LENEP: variants seen among roughly 807,000 people sequenced by gnomAD.
The protein encoded by LENEP is lens epithelial protein, also known as lens epithelial cell protein LEP503.
Under a neutral mutation model 4.1 loss-of-function variants are expected in LENEP, and 2 were observed. The observed-to-expected ratio is 0.49, with a 90% CI of 0.20 to 1.53. The LOEUF (loss-of-function observed/expected upper bound fraction) is 1.53. LENEP is among the 40% of genes most tolerant of loss of function. The pLI is 0.23. For synonymous variants in LENEP, 30 were observed against 33.3 expected, an observed-to-expected ratio of 0.90 and a Z score of 0.34; for missense variants, 63 against 77.0, an observed-to-expected ratio of 0.82 and a Z score of 0.68.
Position 154,994,127 on chromosome 1 carries a change from C to A in LENEP, c.*334C>A. 3.2e-6 allele frequency: 1 copy of A among 312,014 alleles called. No homozygotes were observed. Among genetic ancestry groups the A allele is most frequent in the Non-Finnish European group, 6.0e-6 (1 of 167,636 alleles). 19.3% of individuals were successfully genotyped at this position (312,014 alleles called of 1,614,324 possible). ...CTGGTGGGCAGGAGCTTGGACTGCTCTGGCTAGGACCCCAGTAAGATTGTG... is the reference window on the plus strand; with the variant it reads ...CTGGTGGGCAGGAGCTTGGACTGCTATGGCTAGGACCCCAGTAAGATTGTG... On this transcript the variant is annotated 3_prime_UTR_variant, in exon 1 of 1. Coordinates refer to ENST00000392487, the MANE Select transcript of LENEP (RefSeq NM_001394530.1).
chr1:154,993,630 T>C lies in LENEP; in HGVS notation c.23T>C (p.Leu8Pro), dbSNP rs780856373. 3 of 1,612,764 alleles carry C rather than the reference T, an allele frequency of 1.9e-6. No homozygotes were observed. Among genetic ancestry groups the C allele is most frequent in the Non-Finnish European group, 2.5e-6 (3 of 1,179,562 alleles). The change falls in exon 1 of 1, where the codon CTA becomes CCA. Residue 8 changes from leucine to proline, a missense_variant. Coordinates refer to ENST00000392487, the MANE Select transcript of LENEP (RefSeq NM_001394530.1). MQPRTQP[L>P]AQTLPFFLGG... ...CACATGCAGCCCCGGACACAGCCCC[T>C]AGCCCAAACCCTACCCTTCTTCCTC...
chr1:154,993,823 C>G lies in LENEP; in HGVS notation c.*30C>G, dbSNP rs1429312686. 1.2e-6 allele frequency: 2 copies of G among 1,601,290 alleles called. No homozygotes were observed. Among genetic ancestry groups the G allele is most frequent in the African/African-American group, 2.7e-5 (2 of 73,930 alleles). On this transcript the variant is annotated 3_prime_UTR_variant, in exon 1 of 1. Transcript: ENST00000392487. ...AGCAGGGAACTGCCTCCTCTCCCCA[C>G]CAGCACCATGGCTGGCATCGCTCAG...
At position 154,993,945 on chromosome 1, in the gene LENEP, C is replaced by A; in HGVS notation, c.*152C>A. 1 of 710,798 alleles carries A rather than the reference C, an allele frequency of 1.4e-6. No homozygotes were observed. The highest frequency in any genetic ancestry group is 2.3e-6 in the Non-Finnish European group (1 of 437,290). 44.0% of individuals were successfully genotyped at this position (710,798 alleles called of 1,614,324 possible). A position where few individuals can be genotyped will look rare whatever the true frequency, so the allele number is the denominator to read the frequency against. ...TCTTCTTTAGCCCCCAGCCCAATTG[C>A]CATCAAGACTCCTGAAGCCAGCTGT... On this transcript the variant is annotated 3_prime_UTR_variant, in exon 1 of 1. Coordinates refer to ENST00000392487, the MANE Select transcript of LENEP (RefSeq NM_001394530.1).
rs534932099 is a variant in LENEP, at chr1:154,993,927, T to C, written c.*134T>C. 8.5e-5 allele frequency: 73 copies of C among 860,784 alleles called. No individual in the cohort carries two copies. The African/African-American group carries it at 1.0e-3, about 12-fold the overall frequency. 53.3% of individuals were successfully genotyped at this position (860,784 alleles called of 1,614,324 possible). ...TGCCTTAGCTTCTCATTCTCTTCTT[T>C]AGCCCCCAGCCCAATTGCCATCAAG... On this transcript the variant is annotated 3_prime_UTR_variant, in exon 1 of 1. Transcript: ENST00000392487.
At position 154,993,911 on chromosome 1, in the gene LENEP, T is replaced by C. The variant is rs1406217546; in HGVS notation, c.*118T>C. 6.0e-6 allele frequency: 6 copies of C among 994,940 alleles called. No individual in the cohort carries two copies. Among genetic ancestry groups the C allele is most frequent in the Admixed American group, 5.5e-5 (2 of 36,484 alleles). The allele number at this position is 994,940 out of a possible 1,614,324, so 61.6% of individuals were successfully genotyped here. The stretch of plus-strand genomic sequence containing the variant: ...CTTCTGTGGCAGAGCTTGCCTTAGC[T>C]TCTCATTCTCTTCTTTAGCCCCCAG... On this transcript the variant is annotated 3_prime_UTR_variant, in exon 1 of 1. Transcript: ENST00000392487.
In LENEP at chr1:154,993,751, C is replaced by T; in HGVS notation, c.144C>T (p.Tyr48=). 6.2e-7 allele frequency: 1 copy of T among 1,613,736 alleles called. No individual in the cohort carries two copies. Among genetic ancestry groups the T allele is most frequent in the Non-Finnish European group, 8.5e-7 (1 of 1,179,816 alleles). The part of the protein sequence containing the change: ...GFQRTLKEVA[Y]ILLCCWCIKE... ...AGCGGACCCTGAAGGAAGTCGCCTA[C>T]ATCCTCCTCTGCTGCTGGTGTATCA... Residue 48 remains tyrosine, a synonymous_variant, in exon 1 of 1, where the codon TAC becomes TAT. Transcript: ENST00000392487.
chr1:154,993,789 A>T lies in LENEP; in HGVS notation c.182A>T (p.Asp61Val). Reference protein sequence around the residue: ...LCCWCIKELLD With the variant: ...LCCWCIKELLV ...TGCTGGTGTATCAAGGAACTGCTGG[A>T]TTAATGGTAGCAGGGAACTGCCTCC... The change falls in exon 1 of 1, where the codon GAT (aspartate) becomes GTT (valine). Residue 61 changes from aspartate (D) to valine (V), a missense_variant. Asp to Val is a radical substitution (Grantham distance 152, BLOSUM62 -3). Transcript: ENST00000392487. The T allele has an allele frequency of 6.2e-7, 1 of 1,611,552 alleles. No individual in the cohort carries two copies. Among genetic ancestry groups the T allele is most frequent in the Non-Finnish European group, 8.5e-7 (1 of 1,178,750 alleles).
chr1:154,993,766 C>T lies in LENEP; in HGVS notation c.159C>T (p.Cys53=). 6.2e-7 allele frequency: 1 copy of T among 1,613,420 alleles called. No individual in the cohort carries two copies. Residue 53 remains cysteine (C), a synonymous_variant, in exon 1 of 1, where the codon TGC becomes TGT. Coordinates refer to ENST00000392487, the MANE Select transcript of LENEP (RefSeq NM_001394530.1). ...LKEVAYILLC[C]WCIKELLD Reference sequence around the variant, plus strand: ...AAGTCGCCTACATCCTCCTCTGCTGCTGGTGTATCAAGGAACTGCTGGATT... The same window carrying T: ...AAGTCGCCTACATCCTCCTCTGCTGTTGGTGTATCAAGGAACTGCTGGATT...
chr1:154,993,964 C>T lies in LENEP; in HGVS notation c.*171C>T. 1.6e-6 allele frequency: 1 copy of T among 630,416 alleles called. No homozygotes were observed. The highest frequency in any genetic ancestry group is 2.7e-6 in the Non-Finnish European group (1 of 370,900). 39.1% of individuals were successfully genotyped at this position (630,416 alleles called of 1,614,324 possible). On this transcript the variant is annotated 3_prime_UTR_variant, in exon 1 of 1. Transcript: ENST00000392487. Reference sequence around the variant, plus strand: ...CAATTGCCATCAAGACTCCTGAAGCCAGCTGTGCTTGACCAAGGATGGGCC... The same window carrying T: ...CAATTGCCATCAAGACTCCTGAAGCTAGCTGTGCTTGACCAAGGATGGGCC...
chr1:154,993,857 GGTAGA>G lies in LENEP; in HGVS notation c.*68_*72del, dbSNP rs983389470. On this transcript the variant is annotated 3_prime_UTR_variant, in exon 1 of 1. Transcript: ENST00000392487. The stretch of plus-strand genomic sequence containing the variant: ...TGGCTGGCATCGCTCAGGTGGGCAG[GGTAGA>G]GTAAACAGGAGGCATAGCTGCAGCT... 4.4e-5 allele frequency: 67 copies of G among 1,514,562 alleles called. No individual in the cohort carries two copies. The highest frequency in any genetic ancestry group is 1.8e-4 in the Middle Eastern group (1 of 5,432). 93.8% of individuals were successfully genotyped at this position (1,514,562 alleles called of 1,614,324 possible).
Position 154,993,600 on chromosome 1 carries a change from T to C in LENEP, c.-8T>C, listed in dbSNP as rs1273889060. On this transcript the variant is annotated 5_prime_UTR_variant, in exon 1 of 1. Transcript: ENST00000392487. ...GCTCCCACACCCTTCCTCGGAACTG[T>C]TGCCCACATGCAGCCCCGGACACAG... 16 of 1,603,926 alleles carry C rather than the reference T, an allele frequency of 1.0e-5. No homozygotes were observed. Among genetic ancestry groups the C allele is most frequent in the African/African-American group, 1.3e-5 (1 of 74,258 alleles).
chr1:154,993,638 AC>A lies in LENEP; in HGVS notation c.34del (p.Leu12TyrfsTer32). 1.2e-6 allele frequency: 2 copies of A among 1,613,054 alleles called. No individual in the cohort carries two copies. Among genetic ancestry groups the A allele is most frequent in the Non-Finnish European group, 1.7e-6 (2 of 1,179,672 alleles). On this transcript the variant is annotated frameshift_variant, in exon 1 of 1. Coordinates refer to ENST00000392487, the MANE Select transcript of LENEP (RefSeq NM_001394530.1). LOFTEE classifies it high-confidence loss of function. The part of the protein sequence containing the change: MQPRTQPLAQ[T>X]LPFFLGGAPR... ...GCCCCGGACACAGCCCCTAGCCCAA[AC>A]CCTACCCTTCTTCCTCGGAGGGGCC... is the stretch of plus-strand genomic sequence containing the variant.
chr1:154,993,937 C>T lies in LENEP; in HGVS notation c.*144C>T, dbSNP rs553261554. The T allele has an allele frequency of 1.1e-4, 86 of 779,486 alleles. No homozygotes were observed. Among genetic ancestry groups the T allele is most frequent in the Non-Finnish European group, 1.7e-4 (82 of 496,262 alleles). The allele number at this position is 779,486 out of a possible 1,614,324, so 48.3% of individuals were successfully genotyped here. On this transcript the variant is annotated 3_prime_UTR_variant, in exon 1 of 1. Coordinates refer to ENST00000392487, the MANE Select transcript of LENEP (RefSeq NM_001394530.1). ...TCTCATTCTCTTCTTTAGCCCCCAG[C>T]CCAATTGCCATCAAGACTCCTGAAG...
chr1:154,993,605 C>T lies in LENEP; in HGVS notation c.-3C>T, dbSNP rs371899531. 2.5e-6 allele frequency: 4 copies of T among 1,604,532 alleles called. No homozygotes were observed. The highest frequency in any genetic ancestry group is 4.5e-5 in the East Asian group (2 of 44,644). Reference sequence around the variant, plus strand: ...CACACCCTTCCTCGGAACTGTTGCCCACATGCAGCCCCGGACACAGCCCCT... The same window carrying T: ...CACACCCTTCCTCGGAACTGTTGCCTACATGCAGCCCCGGACACAGCCCCT... On this transcript the variant is annotated 5_prime_UTR_variant, in exon 1 of 1. Transcript: ENST00000392487.
In LENEP at chr1:154,994,069, CCTT is replaced by C; in HGVS notation, c.*278_*280del. 2.5e-6 allele frequency: 1 copy of C among 405,696 alleles called. No homozygotes were observed. Among genetic ancestry groups the C allele is most frequent in the Non-Finnish European group, 4.4e-6 (1 of 227,182 alleles). 25.1% of individuals were successfully genotyped at this position (405,696 alleles called of 1,614,324 possible). On this transcript the variant is annotated 3_prime_UTR_variant, in exon 1 of 1. Coordinates refer to ENST00000392487, the MANE Select transcript of LENEP (RefSeq NM_001394530.1). Reference sequence around the variant, plus strand: ...GCAGACCTGCCTCATCTCTGAGCCTCCTTCATTCCCAACCCCTGCCTCTGGTGG... The same window carrying C: ...GCAGACCTGCCTCATCTCTGAGCCTCCATTCCCAACCCCTGCCTCTGGTGG...
chr1:154,993,819 CCCA>C lies in LENEP; in HGVS notation c.*30_*32del, dbSNP rs1558078776. On this transcript the variant is annotated 3_prime_UTR_variant, in exon 1 of 1. Coordinates refer to ENST00000392487, the MANE Select transcript of LENEP (RefSeq NM_001394530.1). Reference sequence around the variant, plus strand: ...TGGTAGCAGGGAACTGCCTCCTCTCCCCACCAGCACCATGGCTGGCATCGCTCA... The same window carrying C: ...TGGTAGCAGGGAACTGCCTCCTCTCCCCAGCACCATGGCTGGCATCGCTCA... The C allele has an allele frequency of 1.9e-6, 3 of 1,602,582 alleles. No homozygotes were observed. The highest frequency in any genetic ancestry group is 2.6e-6 in the Non-Finnish European group (3 of 1,174,302).
rs774407770 is a variant in LENEP, at chr1:154,993,781, A to G, written c.174A>G (p.Glu58=). ...YILLCCWCIK[E]LLD ...TCCTCTGCTGCTGGTGTATCAAGGA[A>G]CTGCTGGATTAATGGTAGCAGGGAA... Residue 58 remains glutamate, a synonymous_variant, in exon 1 of 1, where the codon GAA becomes GAG. Coordinates refer to ENST00000392487, the MANE Select transcript of LENEP (RefSeq NM_001394530.1). The G allele has an allele frequency of 7.4e-6, 12 of 1,611,732 alleles. No individual in the cohort carries two copies. The highest frequency in any genetic ancestry group is 5.4e-5 in the African/African-American group (4 of 74,648).
In LENEP at chr1:154,993,655, C is replaced by T. The variant is rs771359071; in HGVS notation, c.48C>T (p.Leu16=). The change falls in exon 1 of 1, where the codon CTC becomes CTT. Residue 16 remains leucine (L), a synonymous_variant. Transcript: ENST00000392487. ...QPLAQTLPFF[L]GGAPRDTGLR... ...TAGCCCAAACCCTACCCTTCTTCCTCGGAGGGGCCCCTCGAGACACTGGGC... is the reference window on the plus strand; with the variant it reads ...TAGCCCAAACCCTACCCTTCTTCCTTGGAGGGGCCCCTCGAGACACTGGGC... The T allele has an allele frequency of 7.4e-6, 12 of 1,613,334 alleles. No individual in the cohort carries two copies. The highest frequency in any genetic ancestry group is 4.5e-5 in the East Asian group (2 of 44,860).
rs1205695223 is a variant in LENEP, at chr1:154,993,941, A to G, written c.*148A>G. On this transcript the variant is annotated 3_prime_UTR_variant, in exon 1 of 1. Coordinates refer to ENST00000392487, the MANE Select transcript of LENEP (RefSeq NM_001394530.1). ...ATTCTCTTCTTTAGCCCCCAGCCCA[A>G]TTGCCATCAAGACTCCTGAAGCCAG... The G allele has an allele frequency of 5.3e-6, 4 of 750,478 alleles. No individual in the cohort carries two copies. The highest frequency in any genetic ancestry group is 1.8e-5 in the South Asian group (1 of 54,662). The allele number at this position is 750,478 out of a possible 1,614,324, so 46.5% of individuals were successfully genotyped here.
Sources: gnomAD v4.1 joint callset for allele counts on GRCh38, gnomAD v4.1.1 for gene constraint, MANE v1.5 for transcripts, NCBI Gene and HGNC (gene_info 2026-07-23, HGNC 2026-07-21) for gene names.